The following CDCA8 variants were observed in gnomAD, a reference collection of about 807,000 sequenced individuals.
The protein encoded by CDCA8 is borealin.
A neutral mutation model predicts 40.0 loss-of-function variants in CDCA8; 25 were observed. The ratio of observed to expected loss-of-function variants is 0.63; its 90% CI spans 0.46 to 0.87. CDCA8 has a LOEUF of 0.87. Among genes scored for constraint, CDCA8 ranks in the 40% least tolerant of loss-of-function variants. The pLI is 0.00. For synonymous variants in CDCA8, 111 were observed against 126.5 expected (o/e 0.88, Z 0.82); for missense variants, 280 against 348.4 (o/e 0.80, Z 1.56).
In CDCA8 at chr1:37,692,665, G is replaced by T. The variant is rs1448990191; in HGVS notation, c.-26G>T. On this transcript the variant is annotated 5_prime_UTR_variant, in exon 1 of 10. Transcript: ENST00000373055. ...CTTGCTTCCCTGCCCCATCTCCGCC[G>T]CTCCCCGCAGCCTCCGCCGAGCGCC... 4.4e-6 allele frequency: 7 copies of T among 1,595,642 alleles called. No individual in the cohort carries two copies. The highest frequency in any genetic ancestry group is 6.0e-6 in the Non-Finnish European group (7 of 1,166,550).
At position 37,708,440 on chromosome 1, in the gene CDCA8, T is replaced by C. The variant is rs1276377745; in HGVS notation, c.*74T>C. On this transcript the variant is annotated 3_prime_UTR_variant, in exon 10 of 10. Coordinates refer to ENST00000373055, the MANE Select transcript of CDCA8 (RefSeq NM_001256875.2). ...TGAAGAGACTTCTTCCCTTCAGGCT[T>C]ATTGTTTGAGTGTGAAGTTCCAGAG... 1 of 1,406,666 alleles carries C rather than the reference T, an allele frequency of 7.1e-7. No homozygotes were observed. Among genetic ancestry groups the C allele is most frequent in the Non-Finnish European group, 1.0e-6 (1 of 992,648 alleles). 87.1% of individuals were successfully genotyped at this position (1,406,666 alleles called of 1,614,324 possible). A position where few individuals can be genotyped will look rare whatever the true frequency, so the allele number is the denominator to read the frequency against.
intron 1 of CDCA8, 51 bp downstream of exon 1, chr1:37,692,835 G>C (rs1483152377): frequency 6.2e-7 from 1 of 1,612,626 alleles, no homozygotes; most frequent in Admixed American, 1.7e-5. Flanking sequence ...GGATGCTGGC[G>C]GGTGGGGACA....
chr1:37,703,223 CA>C (rs1200755998), intron 6 of CDCA8, 28 bp from the exon 7 acceptor site: 4 of 1,547,898 alleles, frequency 2.6e-6, no homozygotes, highest in Non-Finnish European at 3.6e-6. Flanking sequence ...TGAGAGTTGG[CA>C]TACCTGATGG....
intron 9 of CDCA8, 98 bp downstream of exon 9, chr1:37,707,162 C>T: frequency 3.5e-6 from 3 of 853,092 alleles, no homozygotes; most frequent in Non-Finnish European, 3.8e-6. Context: ...CTAATACTTT[C>T]TACTTAAATT....
At chr1:37,697,492 T>G (rs1332611384) in intron 3 of CDCA8, among the ~76,000 whole-genome samples, 7 of 152,210 alleles carry the variant, frequency 4.6e-5, no homozygotes, top group African/African-American at 1.7e-4. Context: ...ATCCTCTGCC[T>G]AGCACATGTC....
chr1:37,701,511 A>G (rs1304298441), intron 5 of CDCA8, among the ~76,000 whole-genome samples: 1 of 152,150 alleles, frequency 6.6e-6, no homozygotes, highest in East Asian at 1.9e-4. Flanking sequence ...TCAGTTCAAA[A>G]GAGATTTACC....
chr1:37,705,601 G>A, intron 8 of CDCA8, 34 bp downstream of exon 8: 1 of 1,607,456 alleles, frequency 6.2e-7, no homozygotes, highest in East Asian at 2.2e-5. Context: ...AGGCCACAGT[G>A]TGCTGCTTAG....
intron 6 of CDCA8, 100 bp downstream of exon 6, chr1:37,701,918 T>C: frequency 1.1e-6 from 1 of 876,582 alleles, no homozygotes; most frequent in South Asian, 1.5e-5. Flanking sequence ...TGGTGGCTAG[T>C]GTTTGAAAGC....
chr1:37,696,684 C>T lies in CDCA8; in HGVS notation c.264+734C>T, dbSNP rs568266031. On this transcript the variant is annotated intron_variant, in intron 3 of 9. Coordinates refer to ENST00000373055, the MANE Select transcript of CDCA8 (RefSeq NM_001256875.2). This position sits in a 1 kb window ranked among gnomAD's most constrained non-coding sequence, Gnocchi z 5.0. ...ACTCTAAAATAATATACAAACAATG[C>T]GTGTGTATGCACGCATTTGTGTATC... Among the ~76,000 whole-genome samples, 10 of 152,312 alleles carry T rather than the reference C, an allele frequency of 6.6e-5. No homozygotes were observed. Among genetic ancestry groups the T allele is most frequent in the South Asian group, 2.1e-4 (1 of 4,832 alleles).
At chr1:37,704,923 C>T (rs1448327917) in intron 7 of CDCA8, among the ~76,000 whole-genome samples, 1 of 152,170 alleles carries the variant, frequency 6.6e-6, no homozygotes, top group African/African-American at 2.4e-5. Context: ...GCTGGGATTA[C>T]AGGTATGAGC....
intron 7 of CDCA8, among the ~76,000 whole-genome samples, chr1:37,704,535 G>C (rs995120217): frequency 6.6e-6 from 1 of 151,142 alleles, no homozygotes; most frequent in African/African-American, 2.4e-5. Context: ...TGGAAGGATA[G>C]ATAAGGAATT....
In CDCA8 at chr1:37,692,966, C is replaced by T; in HGVS notation, c.156C>T (p.Asn52=). 1 of 1,614,072 alleles carries T rather than the reference C, an allele frequency of 6.2e-7. No individual in the cohort carries two copies. Among genetic ancestry groups the T allele is most frequent in the Non-Finnish European group, 8.5e-7 (1 of 1,179,960 alleles). ...DRQNLLKEVD[N]LYNIEILRLP... ...AGAACCTCCTCAAGGAGGTGGATAACCTCTACAACATCGAGATCCTGCGGC... is the reference window on the plus strand; with the variant it reads ...AGAACCTCCTCAAGGAGGTGGATAATCTCTACAACATCGAGATCCTGCGGC... Residue 52 remains asparagine (N), a synonymous_variant, in exon 2 of 10, where the codon AAC becomes AAT. Transcript: ENST00000373055.
intron 8 of CDCA8, among the ~76,000 whole-genome samples, chr1:37,706,411 A>G (rs1253702401): frequency 6.6e-6 from 1 of 152,150 alleles, no homozygotes; most frequent in Non-Finnish European, 1.5e-5. Flanking sequence ...CCCGGCCTCC[A>G]TCTGTTCATC....
At position 37,692,633 on chromosome 1, in the gene CDCA8, C is replaced by G. The variant is rs1335074529; in HGVS notation, c.-58C>G. 2 of 1,388,960 alleles carry G rather than the reference C, an allele frequency of 1.4e-6. No homozygotes were observed. The highest frequency in any genetic ancestry group is 2.4e-4 in the Middle Eastern group (1 of 4,252). 86.0% of individuals were successfully genotyped at this position (1,388,960 alleles called of 1,614,324 possible). A position where few individuals can be genotyped will look rare whatever the true frequency, so the allele number is the denominator to read the frequency against. ...CCCCGTCCGCCCTCCTCGTCCCTAC[C>G]CAGTTTCTTGCTTCCCTGCCCCATC... On this transcript the variant is annotated 5_prime_UTR_variant, in exon 1 of 10. Coordinates refer to ENST00000373055, the MANE Select transcript of CDCA8 (RefSeq NM_001256875.2).
At chr1:37,697,532 G>A (rs1227064762) in intron 3 of CDCA8, among the ~76,000 whole-genome samples, 1 of 152,236 alleles carries the variant, frequency 6.6e-6, no homozygotes. Context: ...AGGGAAGTAG[G>A]TGTTCAGCAT....
chr1:37,695,021 G>A (rs1311813135), intron 2 of CDCA8, among the ~76,000 whole-genome samples: 3 of 152,104 alleles, frequency 2.0e-5, no homozygotes, highest in African/African-American at 4.8e-5. Flanking sequence ...ATGAGGGTGA[G>A]CAACTAACTC....
intron 5 of CDCA8, among the ~76,000 whole-genome samples, chr1:37,701,456 C>T (rs1157893656): frequency 6.6e-6 from 1 of 152,170 alleles, no homozygotes; most frequent in Non-Finnish European, 1.5e-5. Flanking sequence ...GTGACCTTCA[C>T]AGCAGCCCTT....
At chr1:37,693,811 C>T (rs1037447734) in intron 2 of CDCA8, among the ~76,000 whole-genome samples, 8 of 152,180 alleles carry the variant, frequency 5.3e-5, no homozygotes, top group Admixed American at 3.3e-4. Flanking sequence ...GAAGCAGCTC[C>T]TTCTGCAGCT....
In CDCA8 at chr1:37,705,490, T is replaced by C. The variant is rs1645592570; in HGVS notation, c.634T>C (p.Tyr212His). 2 of 1,614,064 alleles carry C rather than the reference T, an allele frequency of 1.2e-6. No homozygotes were observed. Among genetic ancestry groups the C allele is most frequent in the East Asian group, 4.5e-5 (2 of 44,882 alleles). Residue 212 changes from tyrosine to histidine, a missense_variant, in exon 8 of 10, where the codon TAC (tyrosine) becomes CAC (histidine). Transcript: ENST00000373055. ...TACTCCAGCAGCAGGAGAGCGGATT[T>C]ACAACATCTCAGGGAATGGCAGCCC... ...LRTPAAGERI[Y>H]NISGNGSPLA...
Sources: gnomAD v4.1 joint callset for allele counts (sites outside exome capture counted in the v4.1 genomes callset) on GRCh38, gnomAD v4.1.1 for gene constraint, Gnocchi (gnomAD v3.1) non-coding constraint, MANE v1.5 for transcripts, NCBI Gene and HGNC (gene_info 2026-07-23, HGNC 2026-07-21) for gene names.